Variants in ZNF319 observed in about 807,000 individuals in gnomAD.
ZNF319 encodes zinc finger protein 319.
ZNF319 carries 15 observed loss-of-function variants against 46.0 expected under a neutral mutation model. The observed-to-expected ratio is 0.33, with a 90% CI of 0.22 to 0.50. The LOEUF is 0.50. ZNF319 is among the 20% of genes least tolerant of loss of function. The probability of loss-of-function intolerance (pLI) is 0.98; values close to 1 mark genes in which losing one functional copy is unlikely to be tolerated. For missense variants in ZNF319, 635 were observed against 807.0 expected (o/e 0.79, Z 2.58); for synonymous variants, 368 against 364.0 (o/e 1.01, Z -0.13).
chr16:57,995,323 T>G lies in ZNF319; in HGVS notation c.*1194A>C, dbSNP rs1041956152. ...TATGACTGGGATACCCTCTGCTTCA[T>G]GAGCCTCATGGGCAGCCAGAGACCT... On this transcript the variant is annotated 3_prime_UTR_variant, in exon 2 of 2. Transcript: ENST00000299237. The G allele has an allele frequency of 1.3e-5, 2 of 152,280 alleles. No homozygotes were observed. The highest frequency in any genetic ancestry group is 2.9e-5 in the Non-Finnish European group (2 of 68,052). The allele number at this position is 152,280 out of a possible 1,614,324, so 9.4% of individuals were successfully genotyped here. A position where few individuals can be genotyped will look rare whatever the true frequency, so the allele number is the denominator to read the frequency against.
In ZNF319 at chr16:57,997,260, T is replaced by C. The variant is rs1439668271; in HGVS notation, c.1006A>G (p.Thr336Ala). The change falls in exon 2 of 2, where the codon ACA becomes GCA. Residue 336 changes from threonine to alanine, a missense_variant. Transcript: ENST00000299237. Reference protein sequence around the residue: ...RPSDLRQHERTHSAERPFKCD... With the variant: ...RPSDLRQHERAHSAERPFKCD... ...TTGAAGGGCCGCTCGGCGCTGTGTG[T>C]GCGCTCATGCTGCCGCAGGTCCGAG... is the stretch of plus-strand genomic sequence containing the variant. 7 of 1,611,676 alleles carry C rather than the reference T, an allele frequency of 4.3e-6. No individual in the cohort carries two copies. Among genetic ancestry groups the C allele is most frequent in the East Asian group, 2.2e-5 (1 of 44,874 alleles).
chr16:57,996,576 G>T lies in ZNF319; in HGVS notation c.1690C>A (p.His564Asn). 1.3e-6 allele frequency: 2 copies of T among 1,592,180 alleles called. No individual in the cohort carries two copies. Among genetic ancestry groups the T allele is most frequent in the Non-Finnish European group, 8.5e-7 (1 of 1,174,920 alleles). ...TCCGCTGCCGCGGCGGCGGCACTGT[G>T]CTGCGCGCTGTGCTCCTGCAACAAG... ...VALLQEHSAQHSAAAAAAEGA... is the reference protein window; with the variant it reads ...VALLQEHSAQNSAAAAAAEGA... The change falls in exon 2 of 2, where the codon CAC becomes AAC. Residue 564 changes from histidine to asparagine, a missense_variant. Physicochemically the swap from His to Asn is moderately conservative, Grantham distance 68. This residue lies in a region of ZNF319 where 270 missense variants were observed against 281.4 expected (regional missense o/e 0.96). Transcript: ENST00000299237.
chr16:57,997,265 T>A lies in ZNF319; in HGVS notation c.1001A>T (p.Glu334Val). The A allele has an allele frequency of 6.2e-7, 1 of 1,611,422 alleles. No individual in the cohort carries two copies. Among genetic ancestry groups the A allele is most frequent in the Non-Finnish European group, 8.5e-7 (1 of 1,179,832 alleles). Residue 334 changes from glutamate (E) to valine (V), a missense_variant, in exon 2 of 2, where the codon GAG becomes GTG. Glu to Val is a moderately radical substitution (Grantham distance 121). This residue lies in a region of ZNF319 where 138 missense variants were observed against 248.0 expected (regional missense o/e 0.56). Coordinates refer to ENST00000299237, the MANE Select transcript of ZNF319 (RefSeq NM_020807.3). ...FKRPSDLRQHERTHSAERPFK... is the reference protein window; with the variant it reads ...FKRPSDLRQHVRTHSAERPFK... ...GGGCCGCTCGGCGCTGTGTGTGCGC[T>A]CATGCTGCCGCAGGTCCGAGGGCCG... is the stretch of plus-strand genomic sequence containing the variant.
rs1962992620 is a variant in ZNF319 at position 57,995,400 on chromosome 16, A to G, written c.*1117T>C. On this transcript the variant is annotated 3_prime_UTR_variant, in exon 2 of 2. Coordinates refer to ENST00000299237, the MANE Select transcript of ZNF319 (RefSeq NM_020807.3). Reference sequence around the variant, plus strand: ...ACACTCTGGCCTTTGAAGTAGCTGGATGTTGTCCAGAACATCTTGGCTGTA... The same window carrying G: ...ACACTCTGGCCTTTGAAGTAGCTGGGTGTTGTCCAGAACATCTTGGCTGTA... 6.6e-6 allele frequency: 1 copy of G among 152,472 alleles called. No homozygotes were observed. The highest frequency in any genetic ancestry group is 2.4e-5 in the African/African-American group (1 of 41,436). The allele number at this position is 152,472 out of a possible 1,614,324, so 9.4% of individuals were successfully genotyped here.
In ZNF319 at chr16:57,996,710, C is replaced by T. The variant is rs1414879128; in HGVS notation, c.1556G>A (p.Cys519Tyr). 1 of 1,612,654 alleles carries T rather than the reference C, an allele frequency of 6.2e-7. No individual in the cohort carries two copies. The highest frequency in any genetic ancestry group is 1.7e-5 in the Admixed American group (1 of 59,896). The change falls in exon 2 of 2, where the codon TGC (cysteine) becomes TAC (tyrosine). Residue 519 changes from cysteine (C) to tyrosine (Y), a missense_variant. Transcript: ENST00000299237. ...TGEKPYKCPNCDKAFKQREHL... is the reference protein window; with the variant it reads ...TGEKPYKCPNYDKAFKQREHL... ...CTCCCGCTGCTTGAAGGCCTTGTCG[C>T]AGTTGGGGCACTTGTAGGGCTTCTC...
At chr16:57,998,582 T>C (rs3743558) in intron 1 of ZNF319, 60 bp from the exon 2 acceptor site, 225,591 of 290,114 alleles carry the variant, frequency 0.78, 89,265 homozygotes, top group African/African-American at 0.93. Flanking sequence ...TTCCTGGGCC[T>C]TCTCCCTGTC....
rs1055273 is a variant in ZNF319 at position 57,995,042 on chromosome 16, G to T, written c.*1475C>A. ...GGGCGTGGCTGGTCAGCCTTCTTAC[G>T]GTGACAGAGAAGCATGGTGGCATCT... On this transcript the variant is annotated 3_prime_UTR_variant, in exon 2 of 2. Transcript: ENST00000299237. 1 of 152,062 alleles carries T rather than the reference G, an allele frequency of 6.6e-6. No homozygotes were observed. The highest frequency in any genetic ancestry group is 1.5e-5 in the Non-Finnish European group (1 of 68,028). 9.4% of individuals were successfully genotyped at this position (152,062 alleles called of 1,614,324 possible).
Position 57,998,121 on chromosome 16 carries a change from C to G in ZNF319, c.145G>C (p.Val49Leu). Residue 49 changes from valine (V) to leucine (L), a missense_variant, in exon 2 of 2, where the codon GTC becomes CTC. Physicochemically the swap from Val to Leu is conservative, Grantham distance 32. Coordinates refer to ENST00000299237, the MANE Select transcript of ZNF319 (RefSeq NM_020807.3). ...TCTGGCTGCAGGAGGATGCCATAGA[C>G]GGCACAGCCCAGGGGGTTCTCCGCC... Reference protein sequence around the residue: ...GTAENPLGCAVYGILLQPDPG... With the variant: ...GTAENPLGCALYGILLQPDPG... 1.9e-6 allele frequency: 3 copies of G among 1,604,182 alleles called. No homozygotes were observed. The highest frequency in any genetic ancestry group is 2.6e-6 in the Non-Finnish European group (3 of 1,175,408).
At chr16:57,999,433 A>T (rs1963104144) in intron 1 of ZNF319, 60 bp downstream of exon 1, 1 of 152,254 alleles carries the variant, frequency 6.6e-6, no homozygotes, top group African/African-American at 2.4e-5. Context: ...CAAGCCTATA[A>T]AGTTCTGGGT....
chr16:57,996,289 G>T lies in ZNF319; in HGVS notation c.*228C>A. On this transcript the variant is annotated 3_prime_UTR_variant, in exon 2 of 2. Coordinates refer to ENST00000299237, the MANE Select transcript of ZNF319 (RefSeq NM_020807.3). Reference sequence around the variant, plus strand: ...CATGGGAAAGAGGTTTGTGGAATCAGGATGGGCCACAGCAATCTGGCCGCC... The same window carrying T: ...CATGGGAAAGAGGTTTGTGGAATCATGATGGGCCACAGCAATCTGGCCGCC... 1 of 741,080 alleles carries T rather than the reference G, an allele frequency of 1.3e-6. No homozygotes were observed. Among genetic ancestry groups the T allele is most frequent in the Non-Finnish European group, 2.0e-6 (1 of 496,286 alleles). 45.9% of individuals were successfully genotyped at this position (741,080 alleles called of 1,614,324 possible).
In ZNF319 at chr16:57,997,668, TGTC is replaced by T. The variant is rs750067740; in HGVS notation, c.595_597del (p.Asp199del). Reference sequence around the variant, plus strand: ...TGGCAGATGGGGCAGCTGTAGGGCTTGTCGGCCTGTTCAGCAGGGGTGACAGTG... The same window carrying T: ...TGGCAGATGGGGCAGCTGTAGGGCTTGGCCTGTTCAGCAGGGGTGACAGTG... On this transcript the variant is annotated inframe_deletion, in exon 2 of 2. Coordinates refer to ENST00000299237, the MANE Select transcript of ZNF319 (RefSeq NM_020807.3). The T allele has an allele frequency of 1.9e-6, 3 of 1,613,960 alleles. No homozygotes were observed. Among genetic ancestry groups the T allele is most frequent in the Non-Finnish European group, 2.5e-6 (3 of 1,180,036 alleles).
At chr16:57,998,702 C>T (rs1963082131) in intron 1 of ZNF319, among the ~76,000 whole-genome samples, 180 bp from the exon 2 acceptor site, 1 of 152,168 alleles carries the variant, frequency 6.6e-6, no homozygotes, top group African/African-American at 2.4e-5. Context: ...GCAGCCAGCT[C>T]AGCTCCTCCA....
Position 57,997,648 on chromosome 16 carries a change from G to A in ZNF319, c.618C>T (p.Ile206=). ...ACAGGTGCTTGAAGGGCTTTTGGCA[G>A]ATGGGGCAGCTGTAGGGCTTGTCGG... ...EQADKPYSCP[I]CQKPFKHLSE... The change falls in exon 2 of 2, where the codon ATC becomes ATT. Residue 206 remains isoleucine (I), a synonymous_variant. Coordinates refer to ENST00000299237, the MANE Select transcript of ZNF319 (RefSeq NM_020807.3). 1 of 1,614,100 alleles carries A rather than the reference G, an allele frequency of 6.2e-7. No homozygotes were observed.
At position 57,997,370 on chromosome 16, in the gene ZNF319, G is replaced by A. The variant is rs1423686502; in HGVS notation, c.896C>T (p.Ser299Leu). ...CNVCELHFKE[S>L]SELLQHPCTP... ...GCACGGGTGCTGCAGCAGCTCCGAC[G>A]ACTCCTTGAAATGCAACTCGCACAC... Residue 299 changes from serine to leucine, a missense_variant, in exon 2 of 2, where the codon TCG becomes TTG. Physicochemically the swap from Ser to Leu is moderately radical, Grantham distance 145 (BLOSUM62 -2). This residue lies in a region of ZNF319 where 138 missense variants were observed against 248.0 expected (regional missense o/e 0.56). Transcript: ENST00000299237. 1 of 1,612,116 alleles carries A rather than the reference G, an allele frequency of 6.2e-7. No homozygotes were observed. Among genetic ancestry groups the A allele is most frequent in the South Asian group, 1.1e-5 (1 of 91,048 alleles).
At position 57,996,775 on chromosome 16, in the gene ZNF319, G is replaced by GTT; in HGVS notation, c.1490_1491insAA (p.Tyr497Ter). 6.2e-7 allele frequency: 1 copy of GTT among 1,611,888 alleles called. No individual in the cohort carries two copies. Among genetic ancestry groups the GTT allele is most frequent in the Non-Finnish European group, 8.5e-7 (1 of 1,179,322 alleles). The change falls in exon 2 of 2, where the codon TAC becomes TAAAC. Residue 497 changes from tyrosine (Y) to a stop codon, truncating the protein, a stop_gained and frameshift_variant. Transcript: ENST00000299237. LOFTEE classifies it high-confidence loss of function. Reference sequence around the variant, plus strand: ...GCCGGTGCCGCTGCAGGTCTGACGCGTACTTGAAGCGTTTCTCGCAGTCTG... The same window carrying GTT: ...GCCGGTGCCGCTGCAGGTCTGACGCGTTTACTTGAAGCGTTTCTCGCAGTCTG... ...KCPDCEKRFK[Y>*]ASDLQRHRRV...
chr16:57,996,512 CAG>C lies in ZNF319; in HGVS notation c.*3_*4del, dbSNP rs1228874542. 7 of 1,518,198 alleles carry C rather than the reference CAG, an allele frequency of 4.6e-6. No homozygotes were observed. The highest frequency in any genetic ancestry group is 1.8e-4 in the Middle Eastern group (1 of 5,644). 94.0% of individuals were successfully genotyped at this position (1,518,198 alleles called of 1,614,324 possible). A position where few individuals can be genotyped will look rare whatever the true frequency, so the allele number is the denominator to read the frequency against. On this transcript the variant is annotated 3_prime_UTR_variant, in exon 2 of 2. Coordinates refer to ENST00000299237, the MANE Select transcript of ZNF319 (RefSeq NM_020807.3). ...GTCAGGCTGGTAGGGGCCACAGCCG[CAG>C]AGTCAGGGCAGGCAGGCGGCTACCT...
Position 57,998,346 on chromosome 16 carries a change from G to A in ZNF319, c.-81C>T, listed in dbSNP as rs1963071921. 2.0e-6 allele frequency: 3 copies of A among 1,508,214 alleles called. No individual in the cohort carries two copies. The highest frequency in any genetic ancestry group is 2.8e-5 in the African/African-American group (2 of 71,622). The allele number at this position is 1,508,214 out of a possible 1,614,324, so 93.4% of individuals were successfully genotyped here. A position where few individuals can be genotyped will look rare whatever the true frequency, so the allele number is the denominator to read the frequency against. ...GTGACCCAATCCAGAGAGAGAAGCT[G>A]CCCAATCACAGAGATGGACAAGGAC... On this transcript the variant is annotated 5_prime_UTR_variant, in exon 2 of 2. Transcript: ENST00000299237.
Position 58,000,216 on chromosome 16 carries a change from C to G in ZNF319, c.-981G>C, listed in dbSNP as rs1291802075. On this transcript the variant is annotated 5_prime_UTR_variant, in exon 1 of 2. Transcript: ENST00000299237. This position sits in a 1 kb window ranked among gnomAD's most constrained non-coding sequence, Gnocchi z 4.5. ...AGGGCGGCCGGGCTGGAGAAAGGCC[C>G]CAGGGCTACAGGCCGGGCCCAGGAA... 1.3e-5 allele frequency among the ~76,000 whole-genome samples: 2 copies of G among 152,098 alleles called. No individual in the cohort carries two copies. The highest frequency in any genetic ancestry group is 3.9e-4 in the East Asian group (2 of 5,172).
At position 57,998,066 on chromosome 16, in the gene ZNF319, G is replaced by C; in HGVS notation, c.200C>G (p.Pro67Arg). 1 of 1,609,840 alleles carries C rather than the reference G, an allele frequency of 6.2e-7. No individual in the cohort carries two copies. Among genetic ancestry groups the C allele is most frequent in the Non-Finnish European group, 8.5e-7 (1 of 1,179,788 alleles). The part of the protein sequence containing the change: ...DPGLQPPQHA[P>R]LQAAGEPGPK... Reference sequence around the variant, plus strand: ...GCCTGGCTCTCCTGCTGCCTGCAGGGGTGCGTGTTGTGGGGGCTGCAGGCC... The same window carrying C: ...GCCTGGCTCTCCTGCTGCCTGCAGGCGTGCGTGTTGTGGGGGCTGCAGGCC... The change falls in exon 2 of 2, where the codon CCC (proline) becomes CGC (arginine). Residue 67 changes from proline to arginine, a missense_variant. By Grantham distance (103) the Pro-to-Arg change is moderately radical (BLOSUM62 -2). Transcript: ENST00000299237.
Sources: allele counts gnomAD v4.1 joint callset (sites outside exome capture counted in the v4.1 genomes callset), GRCh38; gene constraint gnomAD v4.1.1; regional missense constraint gnomAD v4.1.1; non-coding constraint Gnocchi (gnomAD v3.1); transcripts MANE v1.5; gene names NCBI Gene and HGNC (gene_info 2026-07-23, HGNC 2026-07-21).